Variants in TMEM123 observed in about 807,000 individuals in gnomAD.
TMEM123 encodes transmembrane protein 123, also known as porimin.
A neutral mutation model predicts 19.7 loss-of-function variants in TMEM123; 16 were observed. That is an observed-to-expected ratio of 0.81 (90% CI 0.55 to 1.23). The LOEUF (loss-of-function observed/expected upper bound fraction) is 1.23, where lower values mean the gene tolerates loss of function less well. Ranked by LOEUF, TMEM123 falls within the 50% of genes most tolerant of loss-of-function variation. The pLI is 0.00. For missense variants in TMEM123, 313 were observed against 257.8 expected (o/e 1.21, Z -1.47); for synonymous variants, 118 against 99.4 (o/e 1.19, Z -1.12).
chr11:102,412,614 A>G (rs1004838351), intron 2 of TMEM123, among the ~76,000 whole-genome samples: 2 of 152,198 alleles, frequency 1.3e-5, no homozygotes, highest in African/African-American at 4.8e-5. Context: ...TAACAACTCT[A>G]TTAATATCAT....
Position 102,452,686 on chromosome 11 carries a change from G to C in TMEM123, c.-63C>G. On this transcript the variant is annotated 5_prime_UTR_variant, in exon 1 of 5. Coordinates refer to ENST00000398136, the MANE Select transcript of TMEM123 (RefSeq NM_052932.3). ...CAGCCGAGGTGGCGGCGGCGAGAGC[G>C]GCTCCTCTGCGCAGCCGGCGCCGGC... The C allele has an allele frequency of 3.1e-6, 4 of 1,300,406 alleles. No individual in the cohort carries two copies. The highest frequency in any genetic ancestry group is 3.1e-5 in the East Asian group (1 of 32,552). 80.6% of individuals were successfully genotyped at this position (1,300,406 alleles called of 1,614,324 possible).
At chr11:102,443,178 C>T (rs938818972) in intron 2 of TMEM123, among the ~76,000 whole-genome samples, 2 of 152,130 alleles carry the variant, frequency 1.3e-5, no homozygotes, top group African/African-American at 4.8e-5. Flanking sequence ...ACTTTCTTCA[C>T]AGAATTGGAA....
rs1303127415 is a variant in TMEM123, at chr11:102,398,359, G to C, written c.*508C>G. The C allele has an allele frequency of 6.2e-5, 24 of 385,252 alleles. No homozygotes were observed. In the Admixed American group the frequency reaches 1.1e-3, roughly 17 times the overall value. The allele number at this position is 385,252 out of a possible 1,614,324, so 23.9% of individuals were successfully genotyped here. A position where few individuals can be genotyped will look rare whatever the true frequency, so the allele number is the denominator to read the frequency against. On this transcript the variant is annotated 3_prime_UTR_variant, in exon 5 of 5. Coordinates refer to ENST00000398136, the MANE Select transcript of TMEM123 (RefSeq NM_052932.3). ...AGTTTAAAGCACAAAAAATGTTGAT[G>C]TTTTTCTTAAATTATGCTTCAGATC...
chr11:102,432,438 C>T, intron 2 of TMEM123, among the ~76,000 whole-genome samples: 1 of 152,168 alleles, frequency 6.6e-6, no homozygotes, highest in Non-Finnish European at 1.5e-5. Flanking sequence ...TGGCATTTTG[C>T]CCCTGCCCTA....
intron 2 of TMEM123, among the ~76,000 whole-genome samples, chr11:102,436,886 T>C (rs1857768495): frequency 6.6e-6 from 1 of 152,240 alleles, no homozygotes; most frequent in South Asian, 2.1e-4. Flanking sequence ...CACTAGAATT[T>C]AGACTGAACC....
chr11:102,442,014 C>G (rs1279211159), intron 2 of TMEM123, among the ~76,000 whole-genome samples: 2 of 152,294 alleles, frequency 1.3e-5, no homozygotes, highest in African/African-American at 4.8e-5. Flanking sequence ...GAAGTTGAAT[C>G]CCTCACTAGA....
At chr11:102,425,342 T>C (rs757894100) in intron 2 of TMEM123, among the ~76,000 whole-genome samples, 5 of 152,246 alleles carry the variant, frequency 3.3e-5, no homozygotes, top group Non-Finnish European at 7.3e-5. Flanking sequence ...TCCACTGTTA[T>C]GAACACGAGC....
intron 2 of TMEM123, among the ~76,000 whole-genome samples, chr11:102,426,266 C>G (rs146469674): frequency 6.3e-4 from 96 of 152,238 alleles, no homozygotes; most frequent in Non-Finnish European, 1.1e-3. Context: ...GTGTTTAGAT[C>G]GTTCTTAACA....
intron 2 of TMEM123, among the ~76,000 whole-genome samples, chr11:102,442,946 A>G (rs568960114): frequency 3.8e-4 from 58 of 152,320 alleles, no homozygotes; most frequent in African/African-American, 1.3e-3. Context: ...CCCATTCTCA[A>G]TTGTTTCAAA....
intron 2 of TMEM123, among the ~76,000 whole-genome samples, chr11:102,411,714 A>T (rs1296523577): frequency 4.0e-5 from 6 of 151,552 alleles, no homozygotes; most frequent in Non-Finnish European, 8.8e-5. Context: ...CTGGTGTCGG[A>T]AGTGCCGTAT....
intron 2 of TMEM123, among the ~76,000 whole-genome samples, chr11:102,443,684 A>G (rs1194486688): frequency 6.6e-6 from 1 of 152,226 alleles, no homozygotes; most frequent in Non-Finnish European, 1.5e-5. Flanking sequence ...ACAAAAGCCA[A>G]AATAGACGAA....
intron 2 of TMEM123, among the ~76,000 whole-genome samples, chr11:102,447,025 TTAACA>T (rs564719306): frequency 1.3e-5 from 2 of 152,172 alleles, no homozygotes; most frequent in African/African-American, 4.8e-5. Context: ...ATACACAAAC[TTAACA>T]TGTTTCAAAA....
chr11:102,417,664 A>G (rs1952052844), intron 2 of TMEM123, among the ~76,000 whole-genome samples: 1 of 152,232 alleles, frequency 6.6e-6, no homozygotes, highest in African/African-American at 2.4e-5. Flanking sequence ...ATGGATCCAA[A>G]AGAGAGCCCA....
intron 2 of TMEM123, among the ~76,000 whole-genome samples, chr11:102,436,689 C>T (rs1054133157): frequency 1.3e-5 from 2 of 152,232 alleles, no homozygotes; most frequent in South Asian, 4.1e-4. Context: ...AAAAATTATT[C>T]GTGAGAAATC....
At chr11:102,409,771 A>C (rs1439675500) in intron 2 of TMEM123, among the ~76,000 whole-genome samples, 1 of 152,112 alleles carries the variant, frequency 6.6e-6, no homozygotes, top group Non-Finnish European at 1.5e-5. Context: ...AGGCTGAGGC[A>C]GGAGAATTGC....
chr11:102,397,997 T>C lies in TMEM123; in HGVS notation c.*870A>G, dbSNP rs574948982. The C allele has an allele frequency of 6.6e-6, 1 of 152,254 alleles. No individual in the cohort carries two copies. Among genetic ancestry groups the C allele is most frequent in the South Asian group, 2.1e-4 (1 of 4,822 alleles). 9.4% of individuals were successfully genotyped at this position (152,254 alleles called of 1,614,324 possible). A position where few individuals can be genotyped will look rare whatever the true frequency, so the allele number is the denominator to read the frequency against. ...CTTAAAATATTCACAAAATATAAAA[T>C]TAAAATTAAATGAACTAAAGTAACT... On this transcript the variant is annotated 3_prime_UTR_variant, in exon 5 of 5. Coordinates refer to ENST00000398136, the MANE Select transcript of TMEM123 (RefSeq NM_052932.3).
intron 2 of TMEM123, among the ~76,000 whole-genome samples, chr11:102,438,986 A>C (rs1857795315): frequency 6.6e-6 from 1 of 152,226 alleles, no homozygotes; most frequent in Non-Finnish European, 1.5e-5. Context: ...AGCCTTGCTC[A>C]CTGCTAGCAC....
chr11:102,451,840 G>A (rs1395644829), intron 1 of TMEM123, among the ~76,000 whole-genome samples: 1 of 152,262 alleles, frequency 6.6e-6, no homozygotes, highest in African/African-American at 2.4e-5. Context: ...CGACCGTGCA[G>A]CTGTGCCCTT....
chr11:102,452,741 C>T lies in TMEM123; in HGVS notation c.-118G>A, dbSNP rs1002358413. 6.6e-6 allele frequency: 5 copies of T among 754,086 alleles called. No homozygotes were observed. The highest frequency in any genetic ancestry group is 7.1e-5 in the South Asian group (2 of 28,236). 46.7% of individuals were successfully genotyped at this position (754,086 alleles called of 1,614,324 possible). On this transcript the variant is annotated 5_prime_UTR_variant, in exon 1 of 5. Coordinates refer to ENST00000398136, the MANE Select transcript of TMEM123 (RefSeq NM_052932.3). The stretch of plus-strand genomic sequence containing the variant: ...CTTCCCCTTCGGCCGCGCACGTTTC[C>T]CCTCCCGCCGCTTGCCCCCCGAATG...
Sources: gnomAD v4.1 joint callset for allele counts (sites outside exome capture counted in the v4.1 genomes callset) on GRCh38, gnomAD v4.1.1 for gene constraint, MANE v1.5 for transcripts, NCBI Gene and HGNC (gene_info 2026-07-23, HGNC 2026-07-21) for gene names.